The following STK32B variants were observed in gnomAD, a reference collection of about 807,000 sequenced individuals.
STK32B encodes serine/threonine-protein kinase 32B.
A neutral mutation model predicts 52.6 loss-of-function variants in STK32B; 43 were observed. The observed-to-expected ratio is 0.82, with a 90% confidence interval of 0.64 to 1.05. The LOEUF (loss-of-function observed/expected upper bound fraction) is 1.05, where lower values mean the gene tolerates loss of function less well. Among genes scored for constraint, STK32B ranks in the 50% least tolerant of loss-of-function variants. The pLI is 0.00. For missense variants in STK32B, 621 were observed against 534.6 expected, an observed-to-expected ratio of 1.16 and a Z score of -1.59; for synonymous variants, 238 against 204.3, an observed-to-expected ratio of 1.17 and a Z score of -1.41.
chr4:5,423,176 C>T (rs142466118), intron 6 of STK32B, among the ~76,000 whole-genome samples: 1 of 152,008 alleles, frequency 6.6e-6, no homozygotes, highest in Non-Finnish European at 1.5e-5. Context: ...TTGGAGAAAC[C>T]GATGAGTAAC....
At chr4:5,110,791 A>C (rs554755463) in intron 1 of STK32B, among the ~76,000 whole-genome samples, 1 of 152,132 alleles carries the variant, frequency 6.6e-6, no homozygotes, top group African/African-American at 2.4e-5. Flanking sequence ...AAGCTTATGC[A>C]TAGCAAAAGA....
chr4:5,105,964 C>A (rs1181979569), intron 1 of STK32B, among the ~76,000 whole-genome samples: 3 of 151,968 alleles, frequency 2.0e-5, no homozygotes, highest in Non-Finnish European at 2.9e-5. Context: ...AGAAGTATAG[C>A]CCTTTTGTAT....
chr4:5,036,851 A>G, the STK32B span, among the ~76,000 whole-genome samples: 1 of 151,844 alleles, frequency 6.6e-6, no homozygotes, highest in Admixed American at 6.6e-5. Flanking sequence ...TATTTTTAGT[A>G]GAGACGGGGT....
rs143534452 is a variant in STK32B, at chr4:5,326,174, T to A, written c.261-5046T>A. 1.7e-3 allele frequency among the ~76,000 whole-genome samples: 257 copies of A among 152,328 alleles called. 1 individual carries two copies. Among genetic ancestry groups the A allele is most frequent in the African/African-American group, 5.9e-3 (247 of 41,564 alleles). ...GCCCTTTGACAGTTTAGCTGTGAGT[T>A]GAGAGTACAGAACTCGCTGGTTATT... On this transcript the variant is annotated intron_variant, in intron 3 of 11. Coordinates refer to ENST00000282908, the MANE Select transcript of STK32B (RefSeq NM_018401.3).
At chr4:5,165,616 A>C (rs1718809754) in intron 2 of STK32B, among the ~76,000 whole-genome samples, 1 of 152,124 alleles carries the variant, frequency 6.6e-6, no homozygotes, top group Non-Finnish European at 1.5e-5. Flanking sequence ...ACAAATTCTA[A>C]TTAGTGGGAT....
At chr4:5,406,534 C>A (rs951516771) in intron 5 of STK32B, among the ~76,000 whole-genome samples, 1 of 152,176 alleles carries the variant, frequency 6.6e-6, no homozygotes, top group East Asian at 1.9e-4. Flanking sequence ...ACCTGGACAT[C>A]CAGACATTTC....
chr4:5,239,172 G>A (rs527966341), intron 3 of STK32B, among the ~76,000 whole-genome samples: 2 of 152,234 alleles, frequency 1.3e-5, no homozygotes, highest in Admixed American at 6.5e-5. Flanking sequence ...GGAGAAGGGG[G>A]ACAGGAGACA....
At chr4:5,258,224 A>T (rs1425229933) in intron 3 of STK32B, among the ~76,000 whole-genome samples, 2 of 152,220 alleles carry the variant, frequency 1.3e-5, no homozygotes, top group Non-Finnish European at 2.9e-5. Flanking sequence ...GAGAAGTGAC[A>T]CATCTGAGTT....
At position 5,467,862 on chromosome 4, in the gene STK32B, G is replaced by A; in HGVS notation, c.1042-144G>A. The A allele has an allele frequency of 2.3e-6, 2 of 859,888 alleles. No homozygotes were observed. The highest frequency in any genetic ancestry group is 3.8e-6 in the Non-Finnish European group (2 of 526,708). The allele number at this position is 859,888 out of a possible 1,614,324, so 53.3% of individuals were successfully genotyped here. On this transcript the variant is annotated intron_variant, in intron 10 of 11. Coordinates refer to ENST00000282908, the MANE Select transcript of STK32B (RefSeq NM_018401.3). The surrounding 1 kb of genome is among the most constrained non-coding windows in gnomAD (Gnocchi z 5.8). ...ACAGCCACCCATGCAGTCAGGGTCA[G>A]CCCCAGACACTTAGCTTGGCTTGTC... is the stretch of plus-strand genomic sequence containing the variant.
intron 3 of STK32B, among the ~76,000 whole-genome samples, chr4:5,295,681 T>C (rs1729150519): frequency 1.3e-5 from 2 of 152,328 alleles, no homozygotes; most frequent in Admixed American, 6.5e-5. Flanking sequence ...TTCATTAGTC[T>C]GGCTAGCGGG....
intron 3 of STK32B, among the ~76,000 whole-genome samples, chr4:5,257,942 C>G (rs1474653937): frequency 6.6e-6 from 1 of 151,524 alleles, no homozygotes; most frequent in Non-Finnish European, 1.5e-5. Context: ...GACTCCATCT[C>G]AAAAAAGAAA....
Position 5,446,734 on chromosome 4 carries a change from G to C in STK32B, c.624G>C (p.Trp208Cys). ...RGPGYSYPVD[W>C]WSLGITAYEL... ...CCGGATACTCGTACCCTGTCGACTGGTGGTCCCTGGGCATCACAGCCTATG... is the reference window on the plus strand; with the variant it reads ...CCGGATACTCGTACCCTGTCGACTGCTGGTCCCTGGGCATCACAGCCTATG... The change falls in exon 7 of 12, where the codon TGG (tryptophan) becomes TGC (cysteine). Residue 208 changes from tryptophan to cysteine, a missense_variant. By Grantham distance (215) the Trp-to-Cys change is radical. Coordinates refer to ENST00000282908, the MANE Select transcript of STK32B (RefSeq NM_018401.3). 6.2e-7 allele frequency: 1 copy of C among 1,614,080 alleles called. No individual in the cohort carries two copies. The highest frequency in any genetic ancestry group is 2.2e-5 in the East Asian group (1 of 44,858).
At position 5,399,397 on chromosome 4, in the gene STK32B, A is replaced by G. The variant is rs1737144709; in HGVS notation, c.472+1153A>G. On this transcript the variant is annotated intron_variant, in intron 5 of 11. Coordinates refer to ENST00000282908, the MANE Select transcript of STK32B (RefSeq NM_018401.3). The surrounding 1 kb of genome is among the most constrained non-coding windows in gnomAD (Gnocchi z 5.4). The stretch of plus-strand genomic sequence containing the variant: ...CCAGCAGCATAGCTTGGGGCATCCT[A>G]ACCTCATAGTGTGCATCCCTATGTA... 6.6e-6 allele frequency among the ~76,000 whole-genome samples: 1 copy of G among 152,090 alleles called. No homozygotes were observed. Among genetic ancestry groups the G allele is most frequent in the South Asian group, 2.1e-4 (1 of 4,818 alleles).
At chr4:5,431,738 A>T (rs921687163) in intron 6 of STK32B, among the ~76,000 whole-genome samples, 1 of 152,302 alleles carries the variant, frequency 6.6e-6, no homozygotes, top group East Asian at 1.9e-4. Context: ...ATTGCTAGCA[A>T]TGCTACTAGC....
Sources: gnomAD v4.1 joint callset for allele counts (sites outside exome capture counted in the v4.1 genomes callset) on GRCh38, gnomAD v4.1.1 for gene constraint, Gnocchi (gnomAD v3.1) non-coding constraint, MANE v1.5 for transcripts, NCBI Gene and HGNC (gene_info 2026-07-23, HGNC 2026-07-21) for gene names.